Variants in HPSE2 observed in about 807,000 individuals in gnomAD.
The protein encoded by HPSE2 is inactive heparanase-2.
A neutral mutation model predicts 60.5 loss-of-function variants in HPSE2; 38 were observed. The observed-to-expected ratio is 0.63, with a 90% confidence interval of 0.48 to 0.82. The LOEUF is 0.82. HPSE2 is among the 40% of genes least tolerant of loss of function. HPSE2 has a pLI of 0.00. For synonymous variants in HPSE2, 295 were observed against 293.2 expected (o/e 1.01, Z -0.06); for missense variants, 713 against 740.4 (o/e 0.96, Z 0.43).
chr10:98,829,381 AG>A (rs1197989124), intron 3 of HPSE2, among the ~76,000 whole-genome samples: 3 of 152,202 alleles, frequency 2.0e-5, no homozygotes, highest in African/African-American at 7.2e-5. Context: ...TACAAAAATT[AG>A]CCAGGTGTGG....
At chr10:99,033,495 G>A (rs1051246517) in intron 3 of HPSE2, among the ~76,000 whole-genome samples, 2 of 151,978 alleles carry the variant, frequency 1.3e-5, no homozygotes, top group South Asian at 4.2e-4. Flanking sequence ...TAAAAAACCA[G>A]TAACAGGCCA....
At chr10:99,005,449 C>T (rs534359949) in intron 3 of HPSE2, among the ~76,000 whole-genome samples, 24 of 152,178 alleles carry the variant, frequency 1.6e-4, no homozygotes, top group Admixed American at 3.3e-4. Flanking sequence ...CTTTCTATTG[C>T]ATTTTTCACT....
chr10:99,294,135 A>G, the HPSE2 span, among the ~76,000 whole-genome samples: 2 of 152,014 alleles, frequency 1.3e-5, no homozygotes, highest in Non-Finnish European at 2.9e-5. Flanking sequence ...CTAAAAATTT[A>G]TATCTAATAA....
At chr10:99,300,278 A>C in the HPSE2 span, among the ~76,000 whole-genome samples, 1 of 152,184 alleles carries the variant, frequency 6.6e-6, no homozygotes, top group Non-Finnish European at 1.5e-5. Flanking sequence ...ATAATGGCCA[A>C]GAAGGTAGAG....
the HPSE2 span, among the ~76,000 whole-genome samples, chr10:99,304,036 T>A: frequency 1.3e-5 from 2 of 152,146 alleles, no homozygotes; most frequent in African/African-American, 2.4e-5. Context: ...CCTATGCCCA[T>A]AAGCTCAGCA....
chr10:99,122,226 A>C (rs2135713773), intron 3 of HPSE2, among the ~76,000 whole-genome samples: 1 of 152,168 alleles, frequency 6.6e-6, no homozygotes, highest in East Asian at 1.9e-4. Context: ...TTTACCTCAA[A>C]TGTACTGGCT....
rs149562079 is a variant in HPSE2, at chr10:98,686,649, C to A, written c.1004+7251G>T. ...CAAACTCCTTGCCTCAAGTGATCCT[C>A]CCATTGCAGCCTCCCAAGTAGCTGG... On this transcript the variant is annotated intron_variant, in intron 6 of 11. Transcript: ENST00000370552. Among the ~76,000 whole-genome samples the A allele has an allele frequency of 1.5e-3, 229 of 152,292 alleles. 4 individuals carry two copies. Among genetic ancestry groups the A allele is most frequent in the African/African-American group, 5.2e-3 (216 of 41,562 alleles).
chr10:98,943,247 AATT>A (rs1387751893), intron 3 of HPSE2, among the ~76,000 whole-genome samples: 9 of 151,662 alleles, frequency 5.9e-5, no homozygotes, highest in South Asian at 2.1e-4. Context: ...TACAATAAAA[AATT>A]ATAATAAAAA....
At chr10:98,915,438 C>T (rs939398237) in intron 3 of HPSE2, among the ~76,000 whole-genome samples, 1 of 151,936 alleles carries the variant, frequency 6.6e-6, no homozygotes, top group South Asian at 2.1e-4. Context: ...TGAGCCACCG[C>T]GCCCAGCCCA....
At chr10:98,863,554 C>A (rs575866548) in intron 3 of HPSE2, among the ~76,000 whole-genome samples, 1 of 152,256 alleles carries the variant, frequency 6.6e-6, no homozygotes, top group East Asian at 1.9e-4. Flanking sequence ...GTAGAAGAAA[C>A]CTACAGGCAG....
chr10:99,307,832 G>GCACACACACA, the HPSE2 span, among the ~76,000 whole-genome samples: 3 of 134,418 alleles, frequency 2.2e-5, no homozygotes, highest in African/African-American at 5.6e-5. Context: ...TAGTAAATGC[G>GCACACACACA]CACACACACA....
intron 2 of HPSE2, among the ~76,000 whole-genome samples, chr10:99,215,642 C>T (rs1044470301): frequency 6.6e-6 from 1 of 152,094 alleles, no homozygotes; most frequent in African/African-American, 2.4e-5. Context: ...TTTTAAAAAG[C>T]GTCACAAACG....
At position 98,871,672 on chromosome 10, in the gene HPSE2, G is replaced by A. The variant is rs145052674; in HGVS notation, c.611-127616C>T. Among the ~76,000 whole-genome samples the A allele has an allele frequency of 5.0e-3, 766 of 152,118 alleles. 9 individuals carry two copies. Among genetic ancestry groups the A allele is most frequent in the African/African-American group, 0.018 (731 of 41,512 alleles). On this transcript the variant is annotated intron_variant, in intron 3 of 11. Coordinates refer to ENST00000370552, the MANE Select transcript of HPSE2 (RefSeq NM_021828.5). The stretch of plus-strand genomic sequence containing the variant: ...GCATTTAATTAGAGCACAGAAGGAA[G>A]GATTTGGACAGGCAGATTTAGTAGG...
At chr10:98,649,207 G>A (rs748050048) in intron 6 of HPSE2, among the ~76,000 whole-genome samples, 11 of 152,086 alleles carry the variant, frequency 7.2e-5, no homozygotes, top group South Asian at 4.1e-4. Flanking sequence ...GTCATTGTTC[G>A]TGGCAGAATA....
At chr10:98,894,551 T>C (rs1953429201) in intron 3 of HPSE2, among the ~76,000 whole-genome samples, 2 of 151,496 alleles carry the variant, frequency 1.3e-5, no homozygotes, top group Admixed American at 1.3e-4. Flanking sequence ...ATTAATGACA[T>C]GGAAGATAGA....
chr10:98,791,292 A>G (rs77486030), intron 3 of HPSE2, among the ~76,000 whole-genome samples: 2,216 of 152,310 alleles, frequency 0.015, 57 homozygotes, highest in African/African-American at 0.05. Flanking sequence ...GATACAAAGT[A>G]CAAAGCCTTA....
At chr10:98,777,156 G>A (rs1950358562) in intron 3 of HPSE2, among the ~76,000 whole-genome samples, 1 of 152,040 alleles carries the variant, frequency 6.6e-6, no homozygotes, top group African/African-American at 2.4e-5. Context: ...ACAACTTGAA[G>A]TTCCGGGAGA....
intron 3 of HPSE2, among the ~76,000 whole-genome samples, chr10:98,890,678 C>T (rs1468562861): frequency 2.6e-5 from 4 of 152,066 alleles, no homozygotes; most frequent in African/African-American, 7.2e-5. Context: ...CAAAACCCTT[C>T]CAGGTAAAGG....
intron 11 of HPSE2, among the ~76,000 whole-genome samples, chr10:98,465,930 T>C (rs1940510447): frequency 6.6e-6 from 1 of 152,214 alleles, no homozygotes; most frequent in African/African-American, 2.4e-5. Context: ...TTTTATTAAT[T>C]TTGAATGTTA....
Sources: allele counts gnomAD v4.1 joint callset (sites outside exome capture counted in the v4.1 genomes callset), GRCh38; gene constraint gnomAD v4.1.1; transcripts MANE v1.5; gene names NCBI Gene and HGNC (gene_info 2026-07-23, HGNC 2026-07-21).